The following CUL2 variants were observed in gnomAD, a reference collection of about 807,000 sequenced individuals.
CUL2 encodes the protein cullin 2.
Under a neutral mutation model 110.2 loss-of-function variants are expected in CUL2, and 22 were observed. That is an observed-to-expected ratio of 0.20 (90% CI 0.14 to 0.28). CUL2 has a LOEUF of 0.28. CUL2 is among the 10% of genes least tolerant of loss of function. The probability of loss-of-function intolerance (pLI) is 1.00; values close to 1 mark genes in which losing one functional copy is unlikely to be tolerated. For missense variants in CUL2, 631 were observed against 905.5 expected, an observed-to-expected ratio of 0.70 and a Z score of 3.89; for synonymous variants, 279 against 293.2, an observed-to-expected ratio of 0.95 and a Z score of 0.49.
intron 20 of CUL2, among the ~76,000 whole-genome samples, chr10:35,011,054 C>T (rs1286693417): frequency 6.6e-6 from 1 of 152,036 alleles, no homozygotes; most frequent in African/African-American, 2.4e-5. Context: ...TAAAATAAAG[C>T]CAAAGCAAAT....
chr10:35,054,669 G>T lies in CUL2; in HGVS notation c.318-130C>A, dbSNP rs1488897119. ...GAATAGCCTACTAACAAATCCAAAA[G>T]AAATGAATTATGTAGAGATTAGAAA... On this transcript the variant is annotated intron_variant, in intron 4 of 20. Coordinates refer to ENST00000374749, the MANE Select transcript of CUL2 (RefSeq NM_003591.4). 5.9e-6 allele frequency: 3 copies of T among 511,600 alleles called. No homozygotes were observed. The East Asian group carries it at 9.8e-5, about 17-fold the overall frequency. 31.7% of individuals were successfully genotyped at this position (511,600 alleles called of 1,614,324 possible).
At chr10:35,052,810 G>A (rs529004351) in intron 5 of CUL2, among the ~76,000 whole-genome samples, 3 of 151,576 alleles carry the variant, frequency 2.0e-5, no homozygotes, top group Admixed American at 2.0e-4. Flanking sequence ...CAGGAGACTA[G>A]TGTGAACCTG....
chr10:35,010,823 A>C (rs999445283), intron 20 of CUL2, among the ~76,000 whole-genome samples: 2 of 152,132 alleles, frequency 1.3e-5, no homozygotes, highest in Non-Finnish European at 2.9e-5. Context: ...TTTTACATTT[A>C]TTTGCATATC....
chr10:35,050,996 A>G (rs1379074821), intron 5 of CUL2, among the ~76,000 whole-genome samples: 2 of 152,208 alleles, frequency 1.3e-5, no homozygotes, highest in African/African-American at 4.8e-5. Context: ...CTTTAGTCAA[A>G]TTTTGCCAGT....
chr10:35,053,061 C>A (rs1018519243), intron 5 of CUL2, among the ~76,000 whole-genome samples: 31 of 151,636 alleles, frequency 2.0e-4, no homozygotes, highest in African/African-American at 6.8e-4. Flanking sequence ...TTATGTGTGC[C>A]GTTTTATCGC....
At chr10:35,090,993 T>G (rs1407022181), upstream of CUL2, among the ~76,000 whole-genome samples, 3 of 152,268 alleles carry the variant, frequency 2.0e-5, no homozygotes, top group African/African-American at 4.8e-5. Context: ...TTTTTCTTGT[T>G]AGTTTTTATC....
intron 8 of CUL2, among the ~76,000 whole-genome samples, chr10:35,043,079 G>T (rs374300496): frequency 6.6e-6 from 1 of 152,108 alleles, no homozygotes; most frequent in Non-Finnish European, 1.5e-5. Flanking sequence ...TGTGGTGTGA[G>T]AGTAGAGGAA....
intron 6 of CUL2, among the ~76,000 whole-genome samples, chr10:35,048,209 T>C (rs1241823396): frequency 7.7e-6 from 1 of 130,144 alleles, no homozygotes; most frequent in Admixed American, 7.5e-5. Flanking sequence ...AACTTTAACA[T>C]GCAAAACTCT....
intron 1 of CUL2, among the ~76,000 whole-genome samples, chr10:35,103,575 G>A (rs953282865): frequency 2.0e-5 from 3 of 151,816 alleles, no homozygotes; most frequent in East Asian, 1.9e-4. Flanking sequence ...CGCCCGTCTC[G>A]GCCTCCCAAA....
At chr10:35,042,079 C>G (rs1038707210) in intron 8 of CUL2, among the ~76,000 whole-genome samples, 7 of 152,186 alleles carry the variant, frequency 4.6e-5, no homozygotes, top group African/African-American at 1.7e-4. Flanking sequence ...ATAACGCTCA[C>G]TATGTTGTGT....
intron 4 of CUL2, among the ~76,000 whole-genome samples, chr10:35,057,951 A>G (rs1179616734): frequency 6.6e-6 from 1 of 151,850 alleles, no homozygotes; most frequent in Non-Finnish European, 1.5e-5. Flanking sequence ...TACAAAAATT[A>G]GCCAGGTGTG....
chr10:35,075,592 T>A (rs1379322845), intron 1 of CUL2, among the ~76,000 whole-genome samples: 1 of 151,018 alleles, frequency 6.6e-6, no homozygotes, highest in Non-Finnish European at 1.5e-5. Context: ...AATGGGGTTT[T>A]AGACACACAG....
chr10:35,105,290 G>T (rs1218429495), intron 1 of CUL2, among the ~76,000 whole-genome samples: 1 of 151,890 alleles, frequency 6.6e-6, no homozygotes, highest in Non-Finnish European at 1.5e-5. Flanking sequence ...GCCGGGCGTG[G>T]TGGCCGGCGC....
At chr10:35,034,084 A>T (rs2085552606) in intron 10 of CUL2, among the ~76,000 whole-genome samples, 1 of 152,216 alleles carries the variant, frequency 6.6e-6, no homozygotes. Flanking sequence ...TACAAAAGTG[A>T]GTTTTCCCTC....
intron 16 of CUL2, 48 bp from the exon 17 acceptor site, chr10:35,025,246 T>C (rs1421226508): frequency 2.0e-6 from 3 of 1,530,594 alleles, no homozygotes; most frequent in Non-Finnish European, 2.6e-6. Flanking sequence ...TACTATAACT[T>C]GCCTAGTTAA....
At chr10:35,095,332 AAAAAAG>A (rs1203528086), upstream of CUL2, among the ~76,000 whole-genome samples, 3 of 150,228 alleles carry the variant, frequency 2.0e-5, no homozygotes, top group African/African-American at 2.4e-5. Flanking sequence ...CAAAAAAAAA[AAAAAAG>A]AAAGAAAGAA....
At position 35,116,073 on chromosome 10, in the gene CUL2, C is replaced by T. The variant is rs1310306146; in HGVS notation, c.-51+10532G>A. 4.6e-5 allele frequency among the ~76,000 whole-genome samples: 7 copies of T among 151,460 alleles called. No individual in the cohort carries two copies. In the East Asian group the frequency reaches 9.8e-4, roughly 21 times the overall value. ...AAAAAATATTATGGGCCGGGCACAG[C>T]GGTTCACACCTGTAATCCCAGCACT... is the stretch of plus-strand genomic sequence containing the variant. On this transcript the variant is annotated intron_variant, in intron 1 of 5. Transcript: ENST00000685421.
chr10:35,047,938 G>C (rs1473800791), intron 6 of CUL2, among the ~76,000 whole-genome samples: 3 of 151,898 alleles, frequency 2.0e-5, no homozygotes, highest in African/African-American at 7.3e-5. Flanking sequence ...CAGGCATAAT[G>C]AATTCAGAGT....
intron 1 of CUL2, among the ~76,000 whole-genome samples, chr10:35,075,680 A>ACACG (rs1326568063): frequency 7.2e-6 from 1 of 138,668 alleles, no homozygotes; most frequent in Non-Finnish European, 1.6e-5. Context: ...ACACACACAC[A>ACACG]CACGCACGCT....
Sources: allele counts gnomAD v4.1 joint callset (sites outside exome capture counted in the v4.1 genomes callset), GRCh38; gene constraint gnomAD v4.1.1; transcripts MANE v1.5; gene names NCBI Gene and HGNC (gene_info 2026-07-23, HGNC 2026-07-21).